CDH4: variants seen among roughly 807,000 people sequenced by gnomAD.
CDH4 encodes the protein cadherin-4.
A neutral mutation model predicts 86.0 loss-of-function variants in CDH4; 33 were observed. That is an observed-to-expected ratio of 0.38 (90% CI 0.29 to 0.51). The LOEUF is 0.51. Ranked by LOEUF, CDH4 falls within the 20% of genes least tolerant of loss-of-function variation. CDH4 has a pLI of 0.86. For missense variants in CDH4, 1,114 were observed against 1,307.4 expected, an observed-to-expected ratio of 0.85 and a Z score of 2.28; for synonymous variants, 555 against 549.4, an observed-to-expected ratio of 1.01 and a Z score of -0.14.
chr20:61,436,721 AC>A lies in CDH4; in HGVS notation c.169+181791del, dbSNP rs71331922. 4.0e-5 allele frequency: 6 copies of A among 150,754 alleles called. No homozygotes were observed. In the East Asian group the frequency reaches 5.9e-4, roughly 15 times the overall value. The allele number at this position is 150,754 out of a possible 1,614,324, so 9.3% of individuals were successfully genotyped here. A position where few individuals can be genotyped will look rare whatever the true frequency, so the allele number is the denominator to read the frequency against. ...CTCACGATTGAACTCAGTCTCCAAC[AC>A]CCCCCCACCCCCATCTGGAGGTCAG... On this transcript the variant is annotated intron_variant, in intron 2 of 15. Coordinates refer to ENST00000614565, the MANE Select transcript of CDH4 (RefSeq NM_001794.5).
At chr20:61,881,731 G>A (rs981157906) in intron 7 of CDH4, among the ~76,000 whole-genome samples, 12 of 152,340 alleles carry the variant, frequency 7.9e-5, no homozygotes, top group Admixed American at 2.6e-4. Context: ...GGAAGTCCAG[G>A]TCCCCTGGGG....
intron 4 of CDH4, among the ~76,000 whole-genome samples, chr20:61,817,702 C>T (rs1292064282): frequency 6.6e-6 from 1 of 152,202 alleles, no homozygotes; most frequent in East Asian, 1.9e-4. Context: ...TATGCCGGGG[C>T]ATCCACACGT....
In CDH4 at chr20:61,269,246, C is replaced by T. The variant is rs569302880; in HGVS notation, c.169+14309C>T. On this transcript the variant is annotated intron_variant, in intron 2 of 15. Coordinates refer to ENST00000614565, the MANE Select transcript of CDH4 (RefSeq NM_001794.5). The surrounding 1 kb of genome is among the most constrained non-coding windows in gnomAD (Gnocchi z 5.3). ...GGGGTGCTGACATAGGACAGTTTGGCACTGCCACTACCTTAGTGGCCCTGG... is the reference window on the plus strand; with the variant it reads ...GGGGTGCTGACATAGGACAGTTTGGTACTGCCACTACCTTAGTGGCCCTGG... 3.9e-5 allele frequency among the ~76,000 whole-genome samples: 6 copies of T among 152,298 alleles called. No homozygotes were observed. In the South Asian group the frequency reaches 8.3e-4, roughly 21 times the overall value.
intron 2 of CDH4, among the ~76,000 whole-genome samples, chr20:61,674,179 C>G (rs1043699317): frequency 1.3e-5 from 2 of 152,156 alleles, no homozygotes; most frequent in Non-Finnish European, 2.9e-5. Flanking sequence ...GCACAGCACA[C>G]GCAAGGAAGA....
intron 2 of CDH4, among the ~76,000 whole-genome samples, chr20:61,657,749 G>A (rs1291958687): frequency 6.6e-6 from 1 of 152,244 alleles, no homozygotes; most frequent in Non-Finnish European, 1.5e-5. Flanking sequence ...TATAAATGCA[G>A]CATTCACCTC....
At position 61,431,203 on chromosome 20, in the gene CDH4, C is replaced by T. The variant is rs559987597; in HGVS notation, c.169+176266C>T. Among the ~76,000 whole-genome samples, 9 of 152,196 alleles carry T rather than the reference C, an allele frequency of 5.9e-5. No homozygotes were observed. In the South Asian group the frequency reaches 1.2e-3, roughly 21 times the overall value. ...CTTTAAAACTTATCATAATAGTTAT[C>T]TTCTAAAAAGCAAACAAGACAAAAC... On this transcript the variant is annotated intron_variant, in intron 2 of 15. Coordinates refer to ENST00000614565, the MANE Select transcript of CDH4 (RefSeq NM_001794.5).
intron 2 of CDH4, among the ~76,000 whole-genome samples, chr20:61,364,852 C>T (rs1436168082): frequency 2.0e-5 from 3 of 152,200 alleles, no homozygotes; most frequent in Admixed American, 6.5e-5. Flanking sequence ...GTGCGGCCCC[C>T]GACGAGCAGT....
rs1268290909 is a variant in CDH4, at chr20:61,902,240, C to T, written c.1188+7193C>T. Reference sequence around the variant, plus strand: ...AGGGCAGGCAGCACAAACGGATGAACGATGCAGAGGCAGAAAAGGTCAAGC... The same window carrying T: ...AGGGCAGGCAGCACAAACGGATGAATGATGCAGAGGCAGAAAAGGTCAAGC... On this transcript the variant is annotated intron_variant, in intron 8 of 15. Transcript: ENST00000614565. This position sits in a 1 kb window ranked among gnomAD's most constrained non-coding sequence, Gnocchi z 4.6. Among the ~76,000 whole-genome samples the T allele has an allele frequency of 3.3e-5, 5 of 152,294 alleles. No individual in the cohort carries two copies. Among genetic ancestry groups the T allele is most frequent in the Non-Finnish European group, 5.9e-5 (4 of 68,032 alleles).
At chr20:61,678,080 CAT>C (rs982973662) in intron 2 of CDH4, among the ~76,000 whole-genome samples, 4 of 151,530 alleles carry the variant, frequency 2.6e-5, no homozygotes, top group African/African-American at 9.7e-5. Flanking sequence ...TGCATACACA[CAT>C]AACATATATT....
chr20:61,817,429 C>A (rs992699271), intron 4 of CDH4, among the ~76,000 whole-genome samples: 2 of 152,228 alleles, frequency 1.3e-5, no homozygotes, highest in Admixed American at 6.5e-5. Flanking sequence ...TTCCCCACCC[C>A]CCAAATGGAT....
intron 2 of CDH4, chr20:61,719,888 T>G (rs2088011973): frequency 6.6e-6 from 1 of 152,350 alleles, no homozygotes; most frequent in Non-Finnish European, 1.5e-5. Context: ...AAGGCGCGGC[T>G]GGTGGGGAAG....
At chr20:61,274,166 TG>T (rs1405535537) in intron 2 of CDH4, among the ~76,000 whole-genome samples, 1 of 121,570 alleles carries the variant, frequency 8.2e-6, no homozygotes, top group Admixed American at 9.4e-5. Context: ...ATGTGCAGTT[TG>T]GGGGAGTACT....
intron 2 of CDH4, among the ~76,000 whole-genome samples, chr20:61,344,959 C>T (rs943437877): frequency 1.3e-5 from 2 of 152,326 alleles, no homozygotes; most frequent in African/African-American, 2.4e-5. Flanking sequence ...GTCTAGGATG[C>T]ACCTGAGTGC....
intron 6 of CDH4, among the ~76,000 whole-genome samples, chr20:61,861,284 G>A (rs774949429): frequency 1.5e-4 from 23 of 152,306 alleles, no homozygotes; most frequent in African/African-American, 3.8e-4. Flanking sequence ...TGCGGCCGGC[G>A]GCATTCATCC....
At position 61,936,807 on chromosome 20, in the gene CDH4, G is replaced by C. The variant is rs2055196578; in HGVS notation, c.2615G>C (p.Gly872Ala). The change falls in exon 16 of 16, where the codon GGG becomes GCG. Residue 872 changes from glycine (G) to alanine (A), a missense_variant. Coordinates refer to ENST00000614565, the MANE Select transcript of CDH4 (RefSeq NM_001794.5). ...TCCCTGCTGGTCTTCGACTACGAGG[G>C]GAGCGGCTCCACCGCAGGCTCCGTC... The part of the protein sequence containing the change: ...YDSLLVFDYE[G>A]SGSTAGSVSS... 6.2e-7 allele frequency: 1 copy of C among 1,610,690 alleles called. No homozygotes were observed. Among genetic ancestry groups the C allele is most frequent in the Non-Finnish European group, 8.5e-7 (1 of 1,179,182 alleles).
chr20:61,907,693 G>T (rs2054805740), intron 8 of CDH4, among the ~76,000 whole-genome samples: 1 of 152,046 alleles, frequency 6.6e-6, no homozygotes, highest in African/African-American at 2.4e-5. Flanking sequence ...CTAGGGCCAG[G>T]TCAGCGTCTC....
rs536872220 is a variant in CDH4, at chr20:61,703,139, G to A, written c.170-40424G>A. 4.7e-4 allele frequency among the ~76,000 whole-genome samples: 72 copies of A among 152,280 alleles called. No homozygotes were observed. Among genetic ancestry groups the A allele is most frequent in the African/African-American group, 7.9e-4 (33 of 41,568 alleles). ...GGGGGCCACGGGATGTTAGAAATGC[G>A]GCAGAGACCAAGCTGTGATCAGAAG... On this transcript the variant is annotated intron_variant, in intron 2 of 15. Coordinates refer to ENST00000614565, the MANE Select transcript of CDH4 (RefSeq NM_001794.5). This position sits in a 1 kb window ranked among gnomAD's most constrained non-coding sequence, Gnocchi z 4.3.
Position 61,518,512 on chromosome 20 carries a change from G to A in CDH4, c.170-225051G>A, listed in dbSNP as rs527797235. ...TCATTGATTCATCATCCATCCATCCGTCCATCTATCATCCATCCATCTATC... is the reference window on the plus strand; with the variant it reads ...TCATTGATTCATCATCCATCCATCCATCCATCTATCATCCATCCATCTATC... On this transcript the variant is annotated intron_variant, in intron 2 of 15. Transcript: ENST00000614565. The surrounding 1 kb of genome is among the most constrained non-coding windows in gnomAD (Gnocchi z 6.3). Among the ~76,000 whole-genome samples the A allele has an allele frequency of 8.1e-5, 12 of 147,628 alleles. No homozygotes were observed. The highest frequency in any genetic ancestry group is 2.2e-4 in the South Asian group (1 of 4,570).
chr20:61,517,220 T>A lies in CDH4; in HGVS notation c.170-226343T>A, dbSNP rs2085828327. ...TCCCTTTTTGTTTTTAGAAATGAGA[T>A]CTCACTCTGTTGCCCAGGCTGGAAG... On this transcript the variant is annotated intron_variant, in intron 2 of 15. Transcript: ENST00000614565. This position sits in a 1 kb window ranked among gnomAD's most constrained non-coding sequence, Gnocchi z 6.6. 1.3e-5 allele frequency among the ~76,000 whole-genome samples: 2 copies of A among 152,298 alleles called. No homozygotes were observed.
Sources: gnomAD v4.1 joint callset for allele counts (sites outside exome capture counted in the v4.1 genomes callset) on GRCh38, gnomAD v4.1.1 for gene constraint, Gnocchi (gnomAD v3.1) non-coding constraint, MANE v1.5 for transcripts, NCBI Gene and HGNC (gene_info 2026-07-23, HGNC 2026-07-21) for gene names.